The following DMD variants were observed in gnomAD, a reference collection of about 807,000 sequenced individuals.
DMD encodes the protein dystrophin, also known as mutant dystrophin.
In DMD, 63 loss-of-function variants were observed where a neutral mutation model predicts 330.1. The observed-to-expected ratio is 0.19, with a 90% confidence interval of 0.16 to 0.24. The LOEUF (loss-of-function observed/expected upper bound fraction) is 0.24, where lower values mean the gene tolerates loss of function less well. Ranked by LOEUF, DMD falls within the 10% of genes least tolerant of loss-of-function variation. The pLI is 1.00. For missense variants in DMD, 3,344 were observed against 2,684.1 expected, an observed-to-expected ratio of 1.25 and a Z score of -5.43; for synonymous variants, 1,223 against 959.8, an observed-to-expected ratio of 1.27 and a Z score of -5.07.
At chrX:33,330,405 C>T (rs753026735) in intron 1 of DMD, among the ~76,000 whole-genome samples, 1 of 111,648 alleles carries the variant, frequency 9.0e-6, no homozygotes, top group East Asian at 2.8e-4. Flanking sequence ...TTCAGCCCTC[C>T]TTTGTAACCT....
chrX:33,007,630 T>G (rs532880057), intron 2 of DMD, among the ~76,000 whole-genome samples: 2 of 111,503 alleles, frequency 1.8e-5, no homozygotes, highest in South Asian at 7.4e-4. Flanking sequence ...GTTTCCCTCT[T>G]TGGTTTAGCT....
chrX:32,856,892 A>G (rs1458961345), intron 2 of DMD, among the ~76,000 whole-genome samples: 8 of 110,951 alleles, frequency 7.2e-5, no homozygotes, highest in Admixed American at 2.9e-4. Flanking sequence ...TGGCTAACAC[A>G]GTGAAACCCC....
chrX:32,936,027 G>T (rs774713412), intron 2 of DMD, among the ~76,000 whole-genome samples: 9 of 111,470 alleles, frequency 8.1e-5, no homozygotes, highest in Non-Finnish European at 1.7e-4. Context: ...AAATGTTTTA[G>T]CACATGTATT....
intron 44 of DMD, among the ~76,000 whole-genome samples, chrX:32,104,217 G>T (rs776050481): frequency 8.9e-6 from 1 of 111,980 alleles, no homozygotes; most frequent in African/African-American, 3.2e-5. Context: ...ATATATTTTT[G>T]ATGTATTTCG....
intron 29 of DMD, among the ~76,000 whole-genome samples, chrX:32,418,540 C>G (rs1312388595): frequency 9.0e-6 from 1 of 111,217 alleles, no homozygotes; most frequent in Non-Finnish European, 1.9e-5. Context: ...AACTATTGCT[C>G]CTGTCAAATG....
chrX:32,751,370 C>T (rs144378005), intron 7 of DMD, among the ~76,000 whole-genome samples: 1 of 111,289 alleles, frequency 9.0e-6, no homozygotes, highest in Non-Finnish European at 1.9e-5. Context: ...ACAAAAGTGA[C>T]TCATTATATT....
intron 44 of DMD, among the ~76,000 whole-genome samples, chrX:32,034,311 G>C (rs2095920985): frequency 9.0e-6 from 1 of 111,704 alleles, no homozygotes; most frequent in East Asian, 2.8e-4. Flanking sequence ...CTTTAGAAAA[G>C]AACAGGTAAA....
At chrX:31,970,471 TA>T (rs397957622) in intron 44 of DMD, among the ~76,000 whole-genome samples, 1 of 90,560 alleles carries the variant, frequency 1.1e-5, no homozygotes, top group South Asian at 4.0e-4. Flanking sequence ...TACAGTAGGA[TA>T]AAAAAAAAGC....
intron 44 of DMD, among the ~76,000 whole-genome samples, chrX:31,979,333 G>A (rs748700377): frequency 8.9e-6 from 1 of 112,081 alleles, no homozygotes; most frequent in African/African-American, 3.2e-5. Context: ...TAGGATCATA[G>A]GCATGAGCCA....
intron 9 of DMD, among the ~76,000 whole-genome samples, chrX:32,696,550 G>A (rs2063668619): frequency 8.9e-6 from 1 of 112,037 alleles, no homozygotes; most frequent in Non-Finnish European, 1.9e-5. Context: ...CAAGATGTAA[G>A]TCCATTTGTA....
intron 2 of DMD, among the ~76,000 whole-genome samples, chrX:32,928,820 C>A (rs760179555): frequency 8.9e-6 from 1 of 112,035 alleles, no homozygotes; most frequent in South Asian, 3.7e-4. Context: ...TCAGACATTA[C>A]AAACTTTAGG....
intron 44 of DMD, among the ~76,000 whole-genome samples, chrX:32,194,376 G>T (rs2096989078): frequency 8.9e-6 from 1 of 112,003 alleles, no homozygotes; most frequent in African/African-American, 3.2e-5. Flanking sequence ...TCACCCAGAG[G>T]TAACCACTTT....
intron 1 of DMD, among the ~76,000 whole-genome samples, chrX:33,262,126 A>T (rs2148905441): frequency 8.9e-6 from 1 of 112,033 alleles, no homozygotes; most frequent in East Asian, 2.8e-4. Flanking sequence ...AAATTAAAAT[A>T]ATTTCATATT....
intron 1 of DMD, among the ~76,000 whole-genome samples, chrX:33,137,196 C>T (rs1203726316): frequency 4.5e-5 from 5 of 110,813 alleles, no homozygotes; most frequent in Admixed American, 9.7e-5. Context: ...TACAATAAAA[C>T]GGGGTGTAGC....
chrX:31,536,206 C>A (rs780901329), intron 55 of DMD, among the ~76,000 whole-genome samples: 1 of 111,305 alleles, frequency 9.0e-6, no homozygotes, highest in Non-Finnish European at 1.9e-5. Context: ...AGAATCTCCT[C>A]ATTTTATGCA....
rs780643599 is a variant in DMD at position 33,168,929 on chromosome X, C to A, written c.31+42353G>T. Among the ~76,000 whole-genome samples, 3 of 109,643 alleles carry A rather than the reference C, an allele frequency of 2.7e-5. No individual in the cohort carries two copies. The East Asian group carries it at 8.5e-4, about 31-fold the overall frequency. ...TAAATAATGTAACTGGCACAGAACA[C>A]AGAAATGCATGAATACCTTTTGAAT... On this transcript the variant is annotated intron_variant, in intron 1 of 78. Coordinates refer to ENST00000357033, the MANE Select transcript of DMD (RefSeq NM_004006.3).
intron 13 of DMD, among the ~76,000 whole-genome samples, chrX:32,581,950 C>T (rs966585309): frequency 1.8e-5 from 2 of 111,744 alleles, no homozygotes; most frequent in South Asian, 3.7e-4. Flanking sequence ...AAGAAAAATA[C>T]GACCATCTCA....
chrX:31,443,640 T>TA (rs1304589626), intron 60 of DMD, among the ~76,000 whole-genome samples: 1 of 110,625 alleles, frequency 9.0e-6, no homozygotes, highest in East Asian at 2.8e-4. Context: ...GCAGCACACT[T>TA]ACATTGCCTG....
chrX:33,076,544 C>T (rs1414642710), intron 1 of DMD, among the ~76,000 whole-genome samples: 2 of 111,106 alleles, frequency 1.8e-5, no homozygotes, highest in Non-Finnish European at 3.8e-5. Context: ...GGATATGGGA[C>T]TTTAAATTTT....
Sources: allele counts gnomAD v4.1 joint callset (sites outside exome capture counted in the v4.1 genomes callset), GRCh38; gene constraint gnomAD v4.1.1; transcripts MANE v1.5; gene names NCBI Gene and HGNC (gene_info 2026-07-23, HGNC 2026-07-21).